Variants in IRX5 observed in about 807,000 individuals in gnomAD.
The protein encoded by IRX5 is iroquois homeobox 5.
A neutral mutation model predicts 37.6 loss-of-function variants in IRX5; 8 were observed. The observed-to-expected ratio is 0.21, with a 90% CI of 0.12 to 0.38. The LOEUF (loss-of-function observed/expected upper bound fraction) is 0.38. Among genes scored for constraint, IRX5 ranks in the 10% least tolerant of loss-of-function variants. IRX5 has a pLI of 1.00. For missense variants in IRX5, 635 were observed against 695.2 expected (o/e 0.91, Z 0.97); for synonymous variants, 359 against 328.6 (o/e 1.09, Z -1.00).
At chr16:54,931,744 T>C (rs866375483) in intron 1 of IRX5, among the ~76,000 whole-genome samples, 18 of 152,250 alleles carry the variant, frequency 1.2e-4, no homozygotes, top group African/African-American at 3.9e-4. Context: ...CGGGCTGCCC[T>C]GCAAATTTTA....
rs770716435 is a variant in IRX5, at chr16:54,932,437, G to T, written c.250-61G>T. ...GGGAGCGCAGGGAAAAGGGTGCTTC[G>T]GTCGTTCCGATGGCAGTGGAGACCA... On this transcript the variant is annotated intron_variant, in intron 1 of 2. Transcript: ENST00000394636. This position sits in a 1 kb window ranked among gnomAD's most constrained non-coding sequence, Gnocchi z 6.7. 4 of 1,531,572 alleles carry T rather than the reference G, an allele frequency of 2.6e-6. No individual in the cohort carries two copies. Among genetic ancestry groups the T allele is most frequent in the Admixed American group, 2.0e-5 (1 of 51,158 alleles). 94.9% of individuals were successfully genotyped at this position (1,531,572 alleles called of 1,614,324 possible).
In IRX5 at chr16:54,932,535, C is replaced by T; in HGVS notation, c.287C>T (p.Ser96Phe). Residue 96 changes from serine to phenylalanine, a missense_variant, in exon 2 of 3, where the codon TCC becomes TTC. Transcript: ENST00000394636. The surrounding 1 kb of genome is among the most constrained non-coding windows in gnomAD (Gnocchi z 6.7). The part of the protein sequence containing the change: ...PYDHTPGMAG[S>F]LGYHPYAAPL... ...GACCACACACCCGGCATGGCGGGCT[C>T]CTTGGGGTACCATCCTTACGCGGCG... 1 of 1,613,648 alleles carries T rather than the reference C, an allele frequency of 6.2e-7. No individual in the cohort carries two copies. Among genetic ancestry groups the T allele is most frequent in the Non-Finnish European group, 8.5e-7 (1 of 1,179,806 alleles).
In IRX5 at chr16:54,932,387, G is replaced by A; in HGVS notation, c.250-111G>A. On this transcript the variant is annotated intron_variant, in intron 1 of 2. Transcript: ENST00000394636. The surrounding 1 kb of genome is among the most constrained non-coding windows in gnomAD (Gnocchi z 6.7). ...CTTGCCCCGTAGGAAGCTGGAGTGC[G>A]GGCCTCGTCCACCCACAGACCCCGG... The A allele has an allele frequency of 7.9e-7, 1 of 1,265,294 alleles. No individual in the cohort carries two copies. The highest frequency in any genetic ancestry group is 1.5e-5 in the South Asian group (1 of 67,748). 78.4% of individuals were successfully genotyped at this position (1,265,294 alleles called of 1,614,324 possible). A position where few individuals can be genotyped will look rare whatever the true frequency, so the allele number is the denominator to read the frequency against.
Position 54,933,791 on chromosome 16 carries a change from C to G in IRX5, c.1370C>G (p.Pro457Arg), listed in dbSNP as rs1434785373. ...LNRADALAKDPKMLRSQSQLD... is the reference protein window; with the variant it reads ...LNRADALAKDRKMLRSQSQLD... ...CGAGCGGACGCTTTGGCTAAAGACC[C>G]GAAAATGTTGCGGAGCCAGTCTCAG... Residue 457 changes from proline (P) to arginine (R), a missense_variant, in exon 3 of 3, where the codon CCG becomes CGG. Physicochemically the swap from Pro to Arg is moderately radical, Grantham distance 103. Transcript: ENST00000394636. 1.9e-6 allele frequency: 3 copies of G among 1,614,040 alleles called. No homozygotes were observed. The highest frequency in any genetic ancestry group is 2.2e-5 in the East Asian group (1 of 44,856).
chr16:54,934,381 C>T lies in IRX5; in HGVS notation c.*508C>T, dbSNP rs1596764190. On this transcript the variant is annotated 3_prime_UTR_variant, in exon 3 of 3. Transcript: ENST00000394636. ...TAAAAAGTGAAAGAAACTGCAGGCG[C>T]CTTTGTAAAATGCAAAATATTTAAT... 1 of 152,690 alleles carries T rather than the reference C, an allele frequency of 6.5e-6. No homozygotes were observed. Among genetic ancestry groups the T allele is most frequent in the East Asian group, 1.9e-4 (1 of 5,186 alleles). 9.5% of individuals were successfully genotyped at this position (152,690 alleles called of 1,614,324 possible).
chr16:54,932,154 C>A lies in IRX5; in HGVS notation c.250-344C>A, dbSNP rs1034928250. ...GCCGAGCGCGGAGTCGCCTCAGTTG[C>A]CCAGGCCTCTATCTGCATGGAGGGC... On this transcript the variant is annotated intron_variant, in intron 1 of 2. Transcript: ENST00000394636. This position sits in a 1 kb window ranked among gnomAD's most constrained non-coding sequence, Gnocchi z 6.7. 2.4e-5 allele frequency: 17 copies of A among 702,822 alleles called. 1 individual carries two copies. In the South Asian group the frequency reaches 2.5e-4, roughly 10 times the overall value. The allele number at this position is 702,822 out of a possible 1,614,324, so 43.5% of individuals were successfully genotyped here.
chr16:54,932,385 G>A lies in IRX5; in HGVS notation c.250-113G>A. On this transcript the variant is annotated intron_variant, in intron 1 of 2. Coordinates refer to ENST00000394636, the MANE Select transcript of IRX5 (RefSeq NM_005853.6). The surrounding 1 kb of genome is among the most constrained non-coding windows in gnomAD (Gnocchi z 6.7). ...GCCTTGCCCCGTAGGAAGCTGGAGT[G>A]CGGGCCTCGTCCACCCACAGACCCC... is the stretch of plus-strand genomic sequence containing the variant. The A allele has an allele frequency of 8.1e-7, 1 of 1,238,738 alleles. No homozygotes were observed. Among genetic ancestry groups the A allele is most frequent in the Non-Finnish European group, 1.1e-6 (1 of 904,322 alleles). 76.7% of individuals were successfully genotyped at this position (1,238,738 alleles called of 1,614,324 possible).
At chr16:54,931,478 G>A in intron 1 of IRX5, 31 bp downstream of exon 1, 2 of 1,518,302 alleles carry the variant, frequency 1.3e-6, no homozygotes, top group East Asian at 2.4e-5. Flanking sequence ...GCGGGCGAGG[G>A]GCAGCAGGGG....
In IRX5 at chr16:54,932,428, G is replaced by C; in HGVS notation, c.250-70G>C. 4 of 1,514,100 alleles carry C rather than the reference G, an allele frequency of 2.6e-6. No homozygotes were observed. Among genetic ancestry groups the C allele is most frequent in the Non-Finnish European group, 3.6e-6 (4 of 1,125,434 alleles). The allele number at this position is 1,514,100 out of a possible 1,614,324, so 93.8% of individuals were successfully genotyped here. A position where few individuals can be genotyped will look rare whatever the true frequency, so the allele number is the denominator to read the frequency against. On this transcript the variant is annotated intron_variant, in intron 1 of 2. Coordinates refer to ENST00000394636, the MANE Select transcript of IRX5 (RefSeq NM_005853.6). The surrounding 1 kb of genome is among the most constrained non-coding windows in gnomAD (Gnocchi z 6.7). ...CAGACCCCGGGGAGCGCAGGGAAAA[G>C]GGTGCTTCGGTCGTTCCGATGGCAG...
Position 54,933,560 on chromosome 16 carries a change from C to T in IRX5, c.1139C>T (p.Pro380Leu). Residue 380 changes from proline (P) to leucine (L), a missense_variant, in exon 3 of 3, where the codon CCG becomes CTG. Physicochemically the swap from Pro to Leu is moderately conservative, Grantham distance 98. This residue lies in a region of IRX5 where 188 missense variants were observed against 200.8 expected (regional missense o/e 0.94). Transcript: ENST00000394636. ...GGAGGCAGCCGGGCGTCGCCGGCCC[C>T]GGCGCCGTCACGCTCGCCCTCGGCG... ...ALGGSRASPA[P>L]APSRSPSAQC... is the part of the protein sequence containing the mutation. The T allele has an allele frequency of 1.2e-6, 2 of 1,608,064 alleles. No individual in the cohort carries two copies. The highest frequency in any genetic ancestry group is 1.7e-6 in the Non-Finnish European group (2 of 1,177,016).
At chr16:54,931,591 G>T in intron 1 of IRX5, 144 bp downstream of exon 1, 1 of 1,179,860 alleles carries the variant, frequency 8.5e-7, no homozygotes. Context: ...GATTGTCTCC[G>T]CCAGCTTCGC....
Position 54,931,320 on chromosome 16 carries a change from C to T in IRX5, c.122C>T (p.Ser41Leu). ...PRTDELGRSS[S>L]GSAFSPYAGS... Reference sequence around the variant, plus strand: ...ACGGATGAGCTCGGCCGCTCTTCTTCGGGCTCCGCGTTCTCGCCCTACGCT... The same window carrying T: ...ACGGATGAGCTCGGCCGCTCTTCTTTGGGCTCCGCGTTCTCGCCCTACGCT... Residue 41 changes from serine (S) to leucine (L), a missense_variant, in exon 1 of 3, where the codon TCG becomes TTG. Ser to Leu is a moderately radical substitution (Grantham distance 145). Coordinates refer to ENST00000394636, the MANE Select transcript of IRX5 (RefSeq NM_005853.6). 6.2e-7 allele frequency: 1 copy of T among 1,611,912 alleles called. No homozygotes were observed. Among genetic ancestry groups the T allele is most frequent in the Non-Finnish European group, 8.5e-7 (1 of 1,179,640 alleles).
chr16:54,932,790 C>G lies in IRX5; in HGVS notation c.542C>G (p.Pro181Arg). 6.2e-7 allele frequency: 1 copy of G among 1,614,076 alleles called. No homozygotes were observed. Among genetic ancestry groups the G allele is most frequent in the East Asian group, 2.2e-5 (1 of 44,828 alleles). Residue 181 changes from proline to arginine, a missense_variant, in exon 2 of 3, where the codon CCG becomes CGG. Physicochemically the swap from Pro to Arg is moderately radical, Grantham distance 103 (BLOSUM62 -2). Transcript: ENST00000394636. The surrounding 1 kb of genome is among the most constrained non-coding windows in gnomAD (Gnocchi z 6.7). The part of the protein sequence containing the change: ...LKKENKMTWT[P>R]RNRSEDEEEE... Reference sequence around the variant, plus strand: ...AAAGAGAATAAAATGACGTGGACGCCGCGGAACCGCAGCGAGGACGAGGAA... The same window carrying G: ...AAAGAGAATAAAATGACGTGGACGCGGCGGAACCGCAGCGAGGACGAGGAA...
Position 54,932,880 on chromosome 16 carries a change from G to T in IRX5, c.632G>T (p.Gly211Val). 1.2e-6 allele frequency: 2 copies of T among 1,612,152 alleles called. No homozygotes were observed. Among genetic ancestry groups the T allele is most frequent in the Non-Finnish European group, 1.7e-6 (2 of 1,178,930 alleles). The change falls in exon 2 of 3, where the codon GGC becomes GTC. Residue 211 changes from glycine (G) to valine (V), a missense_variant. Physicochemically the swap from Gly to Val is moderately radical, Grantham distance 109. Transcript: ENST00000394636. The surrounding 1 kb of genome is among the most constrained non-coding windows in gnomAD (Gnocchi z 6.7). ...EDEPQKPEDK[G>V]DPEGPEAGGA... Reference sequence around the variant, plus strand: ...GAGCCCCAGAAGCCCGAGGACAAGGGCGACCCCGAGGGCCCCGAAGCAGGT... The same window carrying T: ...GAGCCCCAGAAGCCCGAGGACAAGGTCGACCCCGAGGGCCCCGAAGCAGGT...
rs1477227223 is a variant in IRX5 at position 54,930,921 on chromosome 16, G to A, written c.-278G>A. ...AGCAGAGCCCCCCGGTGCAAAGAGC[G>A]AGGGGAAAAAAGAGAAAGCAGCAAG... On this transcript the variant is annotated 5_prime_UTR_variant, in exon 1 of 3. Coordinates refer to ENST00000394636, the MANE Select transcript of IRX5 (RefSeq NM_005853.6). The A allele has an allele frequency of 6.5e-6, 1 of 152,806 alleles. No individual in the cohort carries two copies. Among genetic ancestry groups the A allele is most frequent in the African/African-American group, 2.4e-5 (1 of 41,336 alleles). 9.5% of individuals were successfully genotyped at this position (152,806 alleles called of 1,614,324 possible).
chr16:54,931,958 G>C, intron 1 of IRX5: 1 of 639,548 alleles, frequency 1.6e-6, no homozygotes, highest in Non-Finnish European at 2.8e-6. Flanking sequence ...GGTGCATCCG[G>C]GATTTTTCGG....
In IRX5 at chr16:54,934,177, T is replaced by C. The variant is rs1468809252; in HGVS notation, c.*304T>C. On this transcript the variant is annotated 3_prime_UTR_variant, in exon 3 of 3. Transcript: ENST00000394636. ...AATATCTTTGAAGTAAATTATGAAATCAAGACACCTGTACAGGCATTTAAT... is the reference window on the plus strand; with the variant it reads ...AATATCTTTGAAGTAAATTATGAAACCAAGACACCTGTACAGGCATTTAAT... The C allele has an allele frequency of 4.8e-6, 1 of 210,176 alleles. No individual in the cohort carries two copies. The highest frequency in any genetic ancestry group is 2.3e-5 in the African/African-American group (1 of 43,796). The allele number at this position is 210,176 out of a possible 1,614,324, so 13.0% of individuals were successfully genotyped here. A position where few individuals can be genotyped will look rare whatever the true frequency, so the allele number is the denominator to read the frequency against.
In IRX5 at chr16:54,932,820, A is replaced by G. The variant is rs1749953848; in HGVS notation, c.572A>G (p.Glu191Gly). The G allele has an allele frequency of 6.8e-6, 11 of 1,614,158 alleles. No homozygotes were observed. The highest frequency in any genetic ancestry group is 9.3e-6 in the Non-Finnish European group (11 of 1,180,024). ...AACCGCAGCGAGGACGAGGAAGAGG[A>G]GGAGAACATTGACCTGGAGAAGAAC... ...PRNRSEDEEE[E>G]ENIDLEKNDE... The change falls in exon 2 of 3, where the codon GAG becomes GGG. Residue 191 changes from glutamate to glycine, a missense_variant. By Grantham distance (98) the Glu-to-Gly change is moderately conservative (BLOSUM62 -2). This residue lies in a region of IRX5 where 244 missense variants were observed against 205.4 expected (regional missense o/e 1.19). Coordinates refer to ENST00000394636, the MANE Select transcript of IRX5 (RefSeq NM_005853.6). This position sits in a 1 kb window ranked among gnomAD's most constrained non-coding sequence, Gnocchi z 6.7.
rs1251999034 is a variant in IRX5, at chr16:54,932,554, C to T, written c.306C>T (p.Tyr102=). The change falls in exon 2 of 3, where the codon TAC becomes TAT. Residue 102 remains tyrosine, a synonymous_variant. Coordinates refer to ENST00000394636, the MANE Select transcript of IRX5 (RefSeq NM_005853.6). This position sits in a 1 kb window ranked among gnomAD's most constrained non-coding sequence, Gnocchi z 6.7. ...GMAGSLGYHP[Y]AAPLGSYPYG... ...CGGGCTCCTTGGGGTACCATCCTTACGCGGCGCCCCTGGGATCGTACCCTT... is the reference window on the plus strand; with the variant it reads ...CGGGCTCCTTGGGGTACCATCCTTATGCGGCGCCCCTGGGATCGTACCCTT... The T allele has an allele frequency of 1.2e-6, 2 of 1,613,950 alleles. No individual in the cohort carries two copies. Among genetic ancestry groups the T allele is most frequent in the Admixed American group, 1.7e-5 (1 of 59,998 alleles).
Sources: gnomAD v4.1 joint callset for allele counts (sites outside exome capture counted in the v4.1 genomes callset) on GRCh38, gnomAD v4.1.1 for gene constraint, gnomAD v4.1.1 regional missense constraint, Gnocchi (gnomAD v3.1) non-coding constraint, MANE v1.5 for transcripts, NCBI Gene and HGNC (gene_info 2026-07-23, HGNC 2026-07-21) for gene names.